Variants in MSR1 observed in about 807,000 individuals in gnomAD.
MSR1 encodes the protein macrophage scavenger receptor types I and II.
A neutral mutation model predicts 47.2 loss-of-function variants in MSR1; 53 were observed. That is an observed-to-expected ratio of 1.12 (90% confidence interval 0.90 to 1.41). The LOEUF (loss-of-function observed/expected upper bound fraction) is 1.41, where lower values mean the gene tolerates loss of function less well. MSR1 is among the 40% of genes most tolerant of loss of function. MSR1 has a pLI of 0.00. For missense variants in MSR1, 786 were observed against 546.9 expected (o/e 1.44, Z -4.36); for synonymous variants, 239 against 185.6 (o/e 1.29, Z -2.34).
intron 7 of MSR1, among the ~76,000 whole-genome samples, chr8:16,148,484 G>T (rs1354971156): frequency 2.2e-5 from 2 of 92,854 alleles, no homozygotes; most frequent in African/African-American, 1.0e-4. Flanking sequence ...TTTGAGTCAG[G>T]GTCTCACTGT....
In MSR1 at chr8:16,155,082, C is replaced by T. The variant is rs1449628614; in HGVS notation, c.880G>A (p.Gly294Arg). The T allele has an allele frequency of 1.2e-6, 2 of 1,611,914 alleles. No homozygotes were observed. The highest frequency in any genetic ancestry group is 2.7e-5 in the African/African-American group (2 of 74,790). ...ACCATACCTATTGGACCTGGAAATC[C>T]TCGTGGACCACTTTCTCCAGTGGGA... ...RGPTGESGPR[G>R]FPGPIGPPGL... Residue 294 changes from glycine to arginine, a missense_variant, in exon 6 of 10, where the codon GGA becomes AGA. Coordinates refer to ENST00000262101, the MANE Select transcript of MSR1 (RefSeq NM_138715.3).
chr8:16,184,382 C>G (rs1052898181), intron 1 of MSR1, among the ~76,000 whole-genome samples: 1 of 151,804 alleles, frequency 6.6e-6, no homozygotes, highest in Non-Finnish European at 1.5e-5. Context: ...TGAGTACCTT[C>G]GAGAGTGGGA....
chr8:16,154,024 G>T lies in MSR1; in HGVS notation c.898+1040C>A, dbSNP rs1297095854. Among the ~76,000 whole-genome samples, 4 of 151,628 alleles carry T rather than the reference G, an allele frequency of 2.6e-5. 1 individual carries two copies. The Admixed American group carries it at 2.6e-4, about 10-fold the overall frequency. ...TATATATATAAAACATGTGTACCTG[G>T]ATGTATATCATCTATCTTCACATAT... On this transcript the variant is annotated intron_variant, in intron 6 of 9. Transcript: ENST00000262101.
chr8:16,162,093 G>A (rs1476496921), intron 5 of MSR1, among the ~76,000 whole-genome samples: 1 of 151,904 alleles, frequency 6.6e-6, no homozygotes, highest in Non-Finnish European at 1.5e-5. Flanking sequence ...AATATAAGAA[G>A]TACAGCAAAT....
In MSR1 at chr8:16,120,446, G is replaced by A. The variant is rs562625597; in HGVS notation, c.1194C>T (p.Ala398=). The stretch of plus-strand genomic sequence containing the variant: ...GTCCAAAGTGAGCTGCCTTGTGCAC[G>A]GCTTGAACACCTGGGTATCCCAAGC... ...CRSLGYPGVQ[A]VHKAAHFGQG... is the part of the protein sequence containing the mutation. The change falls in exon 9 of 10, where the codon GCC becomes GCT. Residue 398 remains alanine, a synonymous_variant. Coordinates refer to ENST00000262101, the MANE Select transcript of MSR1 (RefSeq NM_138715.3). 5.2e-4 allele frequency: 840 copies of A among 1,613,528 alleles called. 19 individuals are homozygous for A. The South Asian group carries it at 8.8e-3, about 17-fold the overall frequency.
At chr8:16,148,160 T>A (rs796593241) in intron 7 of MSR1, among the ~76,000 whole-genome samples, 18 of 152,306 alleles carry the variant, frequency 1.2e-4, no homozygotes, top group African/African-American at 4.3e-4. Context: ...TACTCTCTAC[T>A]TCCATACAGC....
intron 6 of MSR1, among the ~76,000 whole-genome samples, chr8:16,152,291 A>T (rs1800882592): frequency 6.6e-6 from 1 of 151,950 alleles, no homozygotes; most frequent in African/African-American, 2.4e-5. Context: ...AACATTCCTT[A>T]CTCAGGTGTA....
intron 9 of MSR1, among the ~76,000 whole-genome samples, chr8:16,114,242 G>A (rs1314422398): frequency 7.6e-6 from 1 of 130,942 alleles, no homozygotes; most frequent in South Asian, 2.5e-4. Context: ...TTTTTTTTTT[G>A]AAAATTTCAC....
chr8:16,120,345 C>A lies in MSR1; in HGVS notation c.1222+73G>T, dbSNP rs932252278. On this transcript the variant is annotated intron_variant, in intron 9 of 9. Coordinates refer to ENST00000262101, the MANE Select transcript of MSR1 (RefSeq NM_138715.3). ...TGAGCCGAGATCGCGCCACTGCACT[C>A]CAGTCTGGGCGACAGAATGAGACTC... The A allele has an allele frequency of 2.6e-6, 4 of 1,534,316 alleles. No individual in the cohort carries two copies. In the Admixed American group the frequency reaches 6.7e-5, roughly 26 times the overall value.
rs920659037 is a variant in MSR1, at chr8:16,167,931, G to C, written c.630+527C>G. On this transcript the variant is annotated intron_variant, in intron 4 of 9. Transcript: ENST00000262101. ...ACTGATAGATTTTAGACGTGACATG[G>C]AATAGAAACGGAATATCAACATGTT... is the stretch of plus-strand genomic sequence containing the variant. Among the ~76,000 whole-genome samples, 7 of 152,126 alleles carry C rather than the reference G, an allele frequency of 4.6e-5. No individual in the cohort carries two copies. The South Asian group carries it at 6.2e-4, about 13-fold the overall frequency.
chr8:16,168,552 G>A lies in MSR1; in HGVS notation c.536C>T (p.Ser179Phe). The change falls in exon 4 of 10, where the codon TCC (serine) becomes TTC (phenylalanine). Residue 179 changes from serine (S) to phenylalanine (F), a missense_variant. By Grantham distance (155) the Ser-to-Phe change is radical. Coordinates refer to ENST00000262101, the MANE Select transcript of MSR1 (RefSeq NM_138715.3). ...CAATGTGGTATTCAAACTTATTAAG[G>A]ACTTGGAGATTTCATCTATTGCATT... ...HGNAIDEISKSLISLNTTLLD... is the reference protein window; with the variant it reads ...HGNAIDEISKFLISLNTTLLD... 6.2e-7 allele frequency: 1 copy of A among 1,614,072 alleles called. No homozygotes were observed.
intron 9 of MSR1, among the ~76,000 whole-genome samples, chr8:16,113,107 G>A (rs1007294144): frequency 2.0e-5 from 3 of 151,262 alleles, no homozygotes; most frequent in East Asian, 1.9e-4. Flanking sequence ...GCACCACCAC[G>A]CCCAGTTAAT....
At chr8:16,150,139 T>G in intron 7 of MSR1, 92 bp downstream of exon 7, 1 of 156,410 alleles carries the variant, frequency 6.4e-6, no homozygotes, top group Non-Finnish European at 1.1e-5. Context: ...TGTGTGTGTG[T>G]GTATATATAT....
chr8:16,136,627 G>A (rs1800397197), intron 8 of MSR1, among the ~76,000 whole-genome samples: 1 of 151,792 alleles, frequency 6.6e-6, no homozygotes, highest in Admixed American at 6.6e-5. Context: ...TTTTTGAGAA[G>A]GAGTATTGCT....
intron 1 of MSR1, chr8:16,186,304 C>G: frequency 9.7e-7 from 1 of 1,035,564 alleles, no homozygotes; most frequent in African/African-American, 1.6e-5. Context: ...TCTGTTTTCT[C>G]TCCTATTTTC....
chr8:16,135,999 G>C (rs1266140879), intron 8 of MSR1, among the ~76,000 whole-genome samples: 1 of 152,056 alleles, frequency 6.6e-6, no homozygotes, highest in Non-Finnish European at 1.5e-5. Context: ...GCAAAGAAAG[G>C]GTTTTTTTGA....
At chr8:16,138,765 G>C (rs1456929789) in intron 8 of MSR1, among the ~76,000 whole-genome samples, 1 of 152,172 alleles carries the variant, frequency 6.6e-6, no homozygotes, top group Non-Finnish European at 1.5e-5. Context: ...CTAGATGTTT[G>C]TGTAAACTGG....
intron 9 of MSR1, among the ~76,000 whole-genome samples, chr8:16,118,452 C>T (rs1034669830): frequency 7.9e-5 from 12 of 152,148 alleles, no homozygotes; most frequent in African/African-American, 2.4e-4. Flanking sequence ...AATTTGGAAA[C>T]GTGGGCTGGG....
intron 9 of MSR1, among the ~76,000 whole-genome samples, chr8:16,111,287 A>G (rs1455946780): frequency 6.6e-6 from 1 of 152,200 alleles, no homozygotes; most frequent in Non-Finnish European, 1.5e-5. Context: ...CGAGACATTT[A>G]TAAATTATAT....
Sources: gnomAD v4.1 joint callset for allele counts (sites outside exome capture counted in the v4.1 genomes callset) on GRCh38, gnomAD v4.1.1 for gene constraint, MANE v1.5 for transcripts, NCBI Gene and HGNC (gene_info 2026-07-23, HGNC 2026-07-21) for gene names.